The following SLC4A8 variants were observed in gnomAD, a reference collection of about 807,000 sequenced individuals.
The protein encoded by SLC4A8 is electroneutral sodium bicarbonate exchanger 1.
A neutral mutation model predicts 125.0 loss-of-function variants in SLC4A8; 40 were observed. That is an observed-to-expected ratio of 0.32 (90% confidence interval 0.25 to 0.42). The LOEUF is 0.42. Among genes scored for constraint, SLC4A8 ranks in the 10% least tolerant of loss-of-function variants. SLC4A8 has a pLI of 1.00. For synonymous variants in SLC4A8, 456 were observed against 476.0 expected (o/e 0.96, Z 0.55); for missense variants, 863 against 1,355.1 (o/e 0.64, Z 5.70).
intron 7 of SLC4A8, 22 bp from the exon 8 acceptor site, chr12:51,459,929 G>T (rs1443294236): frequency 1.3e-6 from 2 of 1,594,114 alleles, no homozygotes; most frequent in Non-Finnish European, 1.7e-6. Context: ...CAAGTTGTCA[G>T]ATGTTTCTTT....
At chr12:51,485,423 G>A (rs1294698136) in intron 16 of SLC4A8, among the ~76,000 whole-genome samples, 1 of 152,148 alleles carries the variant, frequency 6.6e-6, no homozygotes. Flanking sequence ...GTATGAGGGA[G>A]AAGTGGAGTT....
At chr12:51,479,883 T>C (rs1354510814) in intron 16 of SLC4A8, 1 of 305,476 alleles carries the variant, frequency 3.3e-6, no homozygotes, top group Non-Finnish European at 6.3e-6. Flanking sequence ...CTAAACATAT[T>C]GTAAGAAAGT....
At chr12:51,464,254 A>G (rs1432041561) in intron 11 of SLC4A8, among the ~76,000 whole-genome samples, 1 of 152,234 alleles carries the variant, frequency 6.6e-6, no homozygotes, top group African/African-American at 2.4e-5. Context: ...TGCCCTGAAC[A>G]GAGTAGGCTC....
intron 1 of SLC4A8, chr12:51,392,137 C>G (rs1231148547): frequency 6.6e-6 from 1 of 152,534 alleles, no homozygotes; most frequent in Non-Finnish European, 1.5e-5. Context: ...TGCCAGGTAT[C>G]AGGTGAATCC....
At chr12:51,399,980 CAAA>C (rs11323317) in intron 1 of SLC4A8, among the ~76,000 whole-genome samples, 3 of 122,900 alleles carry the variant, frequency 2.4e-5, no homozygotes, top group Admixed American at 8.5e-5. Flanking sequence ...CACTTCGTCT[CAAA>C]AAAAAAAAAA....
chr12:51,451,372 G>A (rs1166805208), intron 3 of SLC4A8, among the ~76,000 whole-genome samples: 4 of 152,126 alleles, frequency 2.6e-5, no homozygotes, highest in Non-Finnish European at 5.9e-5. Flanking sequence ...ACCTCCCAAG[G>A]TACTGGGATT....
At position 51,474,738 on chromosome 12, in the gene SLC4A8, G is replaced by A. The variant is rs577492120; in HGVS notation, c.2010+291G>A. 5.3e-5 allele frequency among the ~76,000 whole-genome samples: 8 copies of A among 152,246 alleles called. No individual in the cohort carries two copies. In the East Asian group the frequency reaches 1.5e-3, roughly 29 times the overall value. ...ACAGGGGGCAGATCCAGACATGTAG[G>A]GTTGAAGAATGTTCAAGTTTGGAGG... On this transcript the variant is annotated intron_variant, in intron 15 of 24. Transcript: ENST00000453097.
chr12:51,448,172 GT>G (rs1434990694), intron 2 of SLC4A8, among the ~76,000 whole-genome samples: 2 of 152,166 alleles, frequency 1.3e-5, no homozygotes, highest in Non-Finnish European at 2.9e-5. Flanking sequence ...ATTCATATGG[GT>G]GAGCCATGAT....
intron 1 of SLC4A8, among the ~76,000 whole-genome samples, chr12:51,418,746 C>T (rs1351564458): frequency 6.6e-6 from 1 of 152,012 alleles, no homozygotes; most frequent in Non-Finnish European, 1.5e-5. Context: ...GACTGGGTAT[C>T]TTTTTTAAAA....
At chr12:51,470,597 T>G (rs1950663381) in intron 13 of SLC4A8, 72 bp downstream of exon 13, 1 of 1,384,054 alleles carries the variant, frequency 7.2e-7, no homozygotes, top group Admixed American at 1.7e-5. Context: ...ATGTCAGGGT[T>G]CTACTCAGTA....
chr12:51,461,297 T>G lies in SLC4A8; in HGVS notation c.1101+6T>G. On this transcript the variant is annotated splice_donor_region_variant and intron_variant, in intron 9 of 24. Transcript: ENST00000453097. ...CCACCATCATGACAGATGAGGTATG[T>G]GCAACTTTTGCTTCAGTCTTCCATC... 1 of 1,535,696 alleles carries G rather than the reference T, an allele frequency of 6.5e-7. No homozygotes were observed. Among genetic ancestry groups the G allele is most frequent in the South Asian group, 1.1e-5 (1 of 89,386 alleles).
rs1241973988 is a variant in SLC4A8 at position 51,509,218 on chromosome 12, C to T, written c.*1780C>T. ...CGTGGGTATTGTTCCTGGTTTGTCT[C>T]ATTTCTATCACAAGGCTGTTTTGGG... On this transcript the variant is annotated 3_prime_UTR_variant, in exon 25 of 25. Transcript: ENST00000453097. 1 of 152,634 alleles carries T rather than the reference C, an allele frequency of 6.6e-6. No individual in the cohort carries two copies. The highest frequency in any genetic ancestry group is 1.5e-5 in the Non-Finnish European group (1 of 68,044). The allele number at this position is 152,634 out of a possible 1,614,324, so 9.5% of individuals were successfully genotyped here.
chr12:51,452,842 G>A (rs559308877), intron 4 of SLC4A8, among the ~76,000 whole-genome samples: 2 of 152,350 alleles, frequency 1.3e-5, no homozygotes, highest in Non-Finnish European at 2.9e-5. Flanking sequence ...CCAAGGACAT[G>A]TCTAGGGTCC....
intron 22 of SLC4A8, among the ~76,000 whole-genome samples, chr12:51,501,214 G>C (rs1211024686): frequency 1.3e-5 from 2 of 152,330 alleles, no homozygotes; most frequent in East Asian, 3.9e-4. Context: ...TGTTACATGG[G>C]TGTAGTGAGT....
At chr12:51,485,610 C>T (rs1951143499) in intron 16 of SLC4A8, among the ~76,000 whole-genome samples, 177 bp from the exon 17 acceptor site, 1 of 152,316 alleles carries the variant, frequency 6.6e-6, no homozygotes, top group African/African-American at 2.4e-5. Flanking sequence ...ATCATATCCA[C>T]ACTTTATGAG....
chr12:51,398,645 A>T (rs1205913477), intron 1 of SLC4A8, among the ~76,000 whole-genome samples: 2 of 152,236 alleles, frequency 1.3e-5, no homozygotes, highest in Non-Finnish European at 2.9e-5. Context: ...TTGCCCAAAG[A>T]GAGGTAATAA....
intron 22 of SLC4A8, 66 bp from the exon 23 acceptor site, chr12:51,503,963 A>G (rs1938051518): frequency 3.6e-6 from 3 of 822,012 alleles, no homozygotes; most frequent in African/African-American, 3.5e-5. Flanking sequence ...TTGTGGTAGA[A>G]GAATGGGCTG....
rs1244366458 is a variant in SLC4A8 at position 51,489,923 on chromosome 12, G to T, written c.2672G>T (p.Cys891Phe). ...CTTATGATCTTTGTGCTGATGGGCT[G>T]CTCAGTCTTCATGACGGCTATCTTA... ...TGLMIFVLMG[C>F]SVFMTAILKF... Residue 891 changes from cysteine (C) to phenylalanine (F), a missense_variant, in exon 19 of 25, where the codon TGC becomes TTC. Cys to Phe is a radical substitution (Grantham distance 205, BLOSUM62 -2). Around this residue, in one of 6 missense-constraint regions of SLC4A8, gnomAD observed 197 missense variants for 377.7 expected, o/e 0.52. Coordinates refer to ENST00000453097, the MANE Select transcript of SLC4A8 (RefSeq NM_001039960.3). 2 of 1,614,222 alleles carry T rather than the reference G, an allele frequency of 1.2e-6. No individual in the cohort carries two copies. The highest frequency in any genetic ancestry group is 4.5e-5 in the East Asian group (2 of 44,886).
intron 2 of SLC4A8, 79 bp from the exon 3 acceptor site, chr12:51,450,797 T>G: frequency 6.6e-7 from 1 of 1,504,006 alleles, no homozygotes; most frequent in Non-Finnish European, 9.2e-7. Context: ...TTTTTTCTCT[T>G]AACTATGCTA....
Sources: allele counts gnomAD v4.1 joint callset (sites outside exome capture counted in the v4.1 genomes callset), GRCh38; gene constraint gnomAD v4.1.1; regional missense constraint gnomAD v4.1.1; transcripts MANE v1.5; gene names NCBI Gene and HGNC (gene_info 2026-07-23, HGNC 2026-07-21).